Variants in RBM47 observed in about 807,000 individuals in gnomAD.
The protein encoded by RBM47 is RNA-binding protein 47.
A neutral mutation model predicts 47.1 loss-of-function variants in RBM47; 21 were observed. That is an observed-to-expected ratio of 0.45 (90% CI 0.32 to 0.64). The LOEUF is 0.64. RBM47 is among the 30% of genes least tolerant of loss of function. RBM47 has a pLI of 0.05. For synonymous variants in RBM47, 375 were observed against 361.7 expected, an observed-to-expected ratio of 1.04 and a Z score of -0.42; for missense variants, 708 against 870.9, an observed-to-expected ratio of 0.81 and a Z score of 2.35.
At chr4:40,572,149 G>A (rs752586737) in intron 1 of RBM47, among the ~76,000 whole-genome samples, 8 of 149,686 alleles carry the variant, frequency 5.3e-5, no homozygotes, top group Non-Finnish European at 1.0e-4. Context: ...TTGGGAGGCC[G>A]AGGCGGGTGG....
intron 2 of RBM47, among the ~76,000 whole-genome samples, chr4:40,518,702 A>G (rs555494030): frequency 6.6e-6 from 1 of 152,020 alleles, no homozygotes; most frequent in Non-Finnish European, 1.5e-5. Context: ...CTACTGCCCA[A>G]TCAGGGGTGT....
In RBM47 at chr4:40,426,000, C is replaced by A; in HGVS notation, c.1686G>T (p.Ala562=). 3 of 1,613,958 alleles carry A rather than the reference C, an allele frequency of 1.9e-6. No homozygotes were observed. The highest frequency in any genetic ancestry group is 2.5e-6 in the Non-Finnish European group (3 of 1,179,850). ...CTGCGTATCCTCCATACATGGCGGCCGCGGCTGCCGCGTTCTTCTGTAGTG... is the reference window on the plus strand; with the variant it reads ...CTGCGTATCCTCCATACATGGCGGCAGCGGCTGCCGCGTTCTTCTGTAGTG... ...IATLQKNAAA[A]AAMYGGYAGY... is the part of the protein sequence containing the mutation. Residue 562 remains alanine (A), a synonymous_variant, in exon 7 of 7, where the codon GCG becomes GCT. Transcript: ENST00000295971.
chr4:40,498,368 C>A (rs1438824821), intron 2 of RBM47, among the ~76,000 whole-genome samples: 1 of 151,990 alleles, frequency 6.6e-6, no homozygotes, highest in East Asian at 1.9e-4. Flanking sequence ...TCTTGAAAAG[C>A]AAATTATACT....
intron 1 of RBM47, among the ~76,000 whole-genome samples, chr4:40,591,221 C>A (rs1316008583): frequency 6.6e-6 from 1 of 151,950 alleles, no homozygotes; most frequent in Non-Finnish European, 1.5e-5. Context: ...TAAATGGGGA[C>A]AAGGGTCTCC....
At chr4:40,512,396 A>T (rs1417694587) in intron 2 of RBM47, among the ~76,000 whole-genome samples, 1 of 128,692 alleles carries the variant, frequency 7.8e-6, no homozygotes, top group Non-Finnish European at 1.6e-5. Flanking sequence ...CCTGGGTGAC[A>T]GAACGAAACT....
chr4:40,428,664 C>T (rs1424811237), intron 6 of RBM47, among the ~76,000 whole-genome samples: 1 of 152,216 alleles, frequency 6.6e-6, no homozygotes, highest in Non-Finnish European at 1.5e-5. Flanking sequence ...GTTCAGGCTG[C>T]CCACTCCAAC....
At chr4:40,561,181 G>C (rs1423635287) in intron 1 of RBM47, among the ~76,000 whole-genome samples, 1 of 151,592 alleles carries the variant, frequency 6.6e-6, no homozygotes, top group African/African-American at 2.4e-5. Context: ...CCAAGAGGCA[G>C]GATGGGACTT....
intron 1 of RBM47, among the ~76,000 whole-genome samples, chr4:40,555,544 A>T (rs900394713): frequency 1.3e-5 from 2 of 152,230 alleles, no homozygotes; most frequent in Admixed American, 1.3e-4. Flanking sequence ...AAAATCTGAA[A>T]TGTTCTGGCT....
intron 2 of RBM47, among the ~76,000 whole-genome samples, chr4:40,496,981 C>T (rs926389629): frequency 1.4e-5 from 2 of 144,692 alleles, no homozygotes; most frequent in Non-Finnish European, 3.0e-5. Context: ...GCGGAGGTTG[C>T]GGTGAGCCAA....
At chr4:40,611,566 CAA>C (rs35477494) in intron 1 of RBM47, among the ~76,000 whole-genome samples, 28 of 145,602 alleles carry the variant, frequency 1.9e-4, no homozygotes, top group South Asian at 2.2e-4. Context: ...ACTAAAAATA[CAA>C]AAAAAAAAAA....
chr4:40,517,822 T>G (rs746774003), intron 2 of RBM47, among the ~76,000 whole-genome samples: 1 of 152,212 alleles, frequency 6.6e-6, no homozygotes, highest in Non-Finnish European at 1.5e-5. Flanking sequence ...AACTACTTAC[T>G]AGCATTTCCA....
chr4:40,544,289 G>A (rs1050953367), intron 2 of RBM47, 133 bp downstream of exon 2: 25 of 152,274 alleles, frequency 1.6e-4, no homozygotes, highest in African/African-American at 4.8e-4. Context: ...ACAACAATAC[G>A]TTTGTAAAAA....
intron 2 of RBM47, among the ~76,000 whole-genome samples, chr4:40,513,850 C>T (rs1394832364): frequency 6.6e-6 from 1 of 152,036 alleles, no homozygotes; most frequent in African/African-American, 2.4e-5. Flanking sequence ...TCCTGAGTAG[C>T]TGGGACTACC....
intron 2 of RBM47, among the ~76,000 whole-genome samples, chr4:40,506,950 T>C (rs6842782): frequency 0.16 from 24,256 of 150,626 alleles, 2,303 homozygotes; most frequent in East Asian, 0.27. Context: ...GCCTGGCCAA[T>C]ATGGTGAAAC....
intron 2 of RBM47, among the ~76,000 whole-genome samples, chr4:40,502,902 G>A (rs1180226375): frequency 6.6e-6 from 1 of 150,636 alleles, no homozygotes. Context: ...CACTTTGGGA[G>A]GCCAAGGCAG....
At chr4:40,449,514 T>TTTCTATCAACACACACCTGAGAATGC (rs1364691831) in intron 3 of RBM47, among the ~76,000 whole-genome samples, 1 of 152,146 alleles carries the variant, frequency 6.6e-6, no homozygotes, top group African/African-American at 2.4e-5. Context: ...TTCCCAGACG[T>TTTCTATCAACACACACCTGAGAATGC]TTCTATCAAC....
At chr4:40,493,771 CAAA>C (rs369288548) in intron 2 of RBM47, among the ~76,000 whole-genome samples, 41 of 118,064 alleles carry the variant, frequency 3.5e-4, no homozygotes, top group Admixed American at 5.4e-4. Flanking sequence ...GACCCTGTCT[CAAA>C]AAAAAAAAAA....
intron 2 of RBM47, among the ~76,000 whole-genome samples, chr4:40,537,985 G>T (rs1302121023): frequency 1.9e-5 from 1 of 52,536 alleles, no homozygotes; most frequent in Non-Finnish European, 3.1e-5. Context: ...GACTACAGGC[G>T]TGTGCGTGTG....
chr4:40,558,792 C>T (rs935383596), intron 1 of RBM47, among the ~76,000 whole-genome samples: 4 of 149,878 alleles, frequency 2.7e-5, no homozygotes, highest in African/African-American at 9.9e-5. Flanking sequence ...CGTGCCACAG[C>T]ACTCCAGCCT....
Sources: gnomAD v4.1 joint callset for allele counts (sites outside exome capture counted in the v4.1 genomes callset) on GRCh38, gnomAD v4.1.1 for gene constraint, MANE v1.5 for transcripts, NCBI Gene and HGNC (gene_info 2026-07-23, HGNC 2026-07-21) for gene names.